Variants in PAX5 observed in about 807,000 individuals in gnomAD.
PAX5 encodes paired box 5.
PAX5 carries 9 observed loss-of-function variants against 43.7 expected under a neutral mutation model. That is an observed-to-expected ratio of 0.21 (90% CI 0.12 to 0.36). The LOEUF is 0.36. PAX5 is among the 10% of genes least tolerant of loss of function. PAX5 has a pLI of 1.00. For missense variants in PAX5, 383 were observed against 532.7 expected (o/e 0.72, Z 2.77); for synonymous variants, 228 against 214.3 (o/e 1.06, Z -0.56).
At chr9:37,012,492 G>A (rs993952166) in intron 3 of PAX5, among the ~76,000 whole-genome samples, 2 of 152,132 alleles carry the variant, frequency 1.3e-5, no homozygotes, top group Non-Finnish European at 2.9e-5. Flanking sequence ...GCTTTGGACT[G>A]GACACTCAGG....
At chr9:36,961,746 G>A (rs772442980) in intron 6 of PAX5, among the ~76,000 whole-genome samples, 8 of 152,134 alleles carry the variant, frequency 5.3e-5, no homozygotes, top group African/African-American at 9.7e-5. Flanking sequence ...GGAGCGCTGC[G>A]CCGACGACAA....
intron 6 of PAX5, among the ~76,000 whole-genome samples, chr9:36,924,346 A>G (rs1356508793): frequency 1.3e-5 from 2 of 152,212 alleles, no homozygotes; most frequent in Admixed American, 1.3e-4. Context: ...GGATCTTTCA[A>G]CTGAAGGATA....
chr9:37,016,432 T>C (rs892781342), intron 2 of PAX5, among the ~76,000 whole-genome samples: 21 of 152,218 alleles, frequency 1.4e-4, no homozygotes, highest in Middle Eastern at 3.2e-3. Flanking sequence ...GGACCTCCCC[T>C]GAGGTAAATG....
At chr9:36,945,794 A>G (rs1044268130) in intron 6 of PAX5, among the ~76,000 whole-genome samples, 1 of 152,230 alleles carries the variant, frequency 6.6e-6, no homozygotes, top group African/African-American at 2.4e-5. Flanking sequence ...GGCCTTGGAA[A>G]AGTTACTTAA....
intron 8 of PAX5, among the ~76,000 whole-genome samples, chr9:36,847,522 C>G (rs6476587): frequency 0.049 from 7,536 of 152,244 alleles, 645 homozygotes; most frequent in African/African-American, 0.17. Flanking sequence ...GGCCCTCTGC[C>G]TGGAGGAGGC....
rs1222049885 is a variant in PAX5 at position 37,018,570 on chromosome 9, CAAAA to C, written c.212+2062_212+2065del. 4.4e-4 allele frequency among the ~76,000 whole-genome samples: 31 copies of C among 71,008 alleles called. No individual in the cohort carries two copies. In the East Asian group the frequency reaches 8.0e-3, roughly 18 times the overall value. 46.6% of individuals were successfully genotyped at this position (71,008 alleles called of 152,430 possible). A position where few individuals can be genotyped will look rare whatever the true frequency, so the allele number is the denominator to read the frequency against. On this transcript the variant is annotated intron_variant, in intron 2 of 9. Coordinates refer to ENST00000358127, the MANE Select transcript of PAX5 (RefSeq NM_016734.3). ...TGTGCCCATCAAATTCTTCAGTGAC[CAAAA>C]AAAAAAAAAAAAAATCTGTGGATTG...
intron 5 of PAX5, among the ~76,000 whole-genome samples, chr9:36,992,968 T>C (rs1335018758): frequency 2.0e-5 from 3 of 152,242 alleles, no homozygotes; most frequent in Admixed American, 2.0e-4. Flanking sequence ...GTGCAGAATG[T>C]GCAGGTTTGT....
chr9:37,001,465 G>A (rs932867640), intron 5 of PAX5, among the ~76,000 whole-genome samples: 3 of 152,218 alleles, frequency 2.0e-5, no homozygotes, highest in East Asian at 1.9e-4. Flanking sequence ...ACACAGCACC[G>A]CAGCCTACTG....
In PAX5 at chr9:37,015,248, T is replaced by C. The variant is rs1839293201; in HGVS notation, c.213-54A>G. 3 of 1,507,870 alleles carry C rather than the reference T, an allele frequency of 2.0e-6. No homozygotes were observed. The highest frequency in any genetic ancestry group is 1.1e-5 in the South Asian group (1 of 88,512). The allele number at this position is 1,507,870 out of a possible 1,614,324, so 93.4% of individuals were successfully genotyped here. On this transcript the variant is annotated intron_variant, in intron 2 of 9. Transcript: ENST00000358127. The surrounding 1 kb of genome is among the most constrained non-coding windows in gnomAD (Gnocchi z 4.4). ...CATGAGGAACCAGTAAAGTGGATAT[T>C]GGCAACAAAATAACGGGCTACTCTG...
intron 4 of PAX5, among the ~76,000 whole-genome samples, chr9:37,005,161 C>T (rs891825467): frequency 2.6e-5 from 4 of 152,208 alleles, no homozygotes; most frequent in African/African-American, 9.6e-5. Flanking sequence ...CCTTCCTTCA[C>T]CCTCTTCACC....
chr9:36,892,004 C>T (rs908597030), intron 7 of PAX5, among the ~76,000 whole-genome samples: 2 of 152,226 alleles, frequency 1.3e-5, no homozygotes, highest in Admixed American at 6.5e-5. Flanking sequence ...TTGAATTTCA[C>T]CTGCCTGGCA....
chr9:36,904,522 TAGA>T (rs1346549206), intron 7 of PAX5, among the ~76,000 whole-genome samples: 2 of 151,020 alleles, frequency 1.3e-5, no homozygotes, highest in African/African-American at 4.9e-5. Context: ...AGGGTGGGAG[TAGA>T]AGTTCTATGG....
chr9:36,869,148 A>G (rs562864051), intron 8 of PAX5, among the ~76,000 whole-genome samples: 1 of 152,320 alleles, frequency 6.6e-6, no homozygotes, highest in East Asian at 1.9e-4. Context: ...GTTGGTCCAG[A>G]TGAAGACTGA....
At chr9:36,896,411 G>A (rs974998904) in intron 7 of PAX5, among the ~76,000 whole-genome samples, 2 of 151,902 alleles carry the variant, frequency 1.3e-5, no homozygotes, top group East Asian at 2.0e-4. Flanking sequence ...AGGCCCATAC[G>A]AGACAGGCAG....
At chr9:36,963,739 G>A (rs1834170329) in intron 6 of PAX5, among the ~76,000 whole-genome samples, 1 of 152,190 alleles carries the variant, frequency 6.6e-6, no homozygotes, top group Admixed American at 6.5e-5. Context: ...CTCCATGACG[G>A]TCATGTGAAA....
chr9:36,882,014 C>A lies in PAX5; in HGVS notation c.1002G>T (p.Gly334=). The change falls in exon 8 of 10, where the codon GGG becomes GGT. Residue 334 remains glycine, a synonymous_variant. Transcript: ENST00000358127. The surrounding 1 kb of genome is among the most constrained non-coding windows in gnomAD (Gnocchi z 4.4). ...ACAGTGCAAACTCACCAGGCACCAT[C>A]CCTGTCAGCGTCGGTGCTGAGTAGC... ...QGSYSAPTLT[G]MVPGSEFSGS... 6.2e-7 allele frequency: 1 copy of A among 1,611,902 alleles called. No individual in the cohort carries two copies. Among genetic ancestry groups the A allele is most frequent in the Non-Finnish European group, 8.5e-7 (1 of 1,179,146 alleles).
chr9:36,995,553 A>C (rs1447565133), intron 5 of PAX5, among the ~76,000 whole-genome samples: 2 of 152,192 alleles, frequency 1.3e-5, no homozygotes. Context: ...CGGCCCTGTG[A>C]GAATGGAGGA....
At chr9:37,014,904 G>A in intron 3 of PAX5, 93 bp downstream of exon 3, 1 of 1,196,478 alleles carries the variant, frequency 8.4e-7, no homozygotes. Flanking sequence ...GGTGAAAAAA[G>A]AGACCAGATC....
chr9:36,960,048 C>G (rs1199987200), intron 6 of PAX5, among the ~76,000 whole-genome samples: 2 of 152,208 alleles, frequency 1.3e-5, no homozygotes, highest in Non-Finnish European at 2.9e-5. Flanking sequence ...ACAGCAATCA[C>G]TAAAACCCAA....
Sources: allele counts gnomAD v4.1 joint callset (sites outside exome capture counted in the v4.1 genomes callset), GRCh38; gene constraint gnomAD v4.1.1; non-coding constraint Gnocchi (gnomAD v3.1); transcripts MANE v1.5; gene names NCBI Gene and HGNC (gene_info 2026-07-23, HGNC 2026-07-21).